GRIN2A: variants seen among roughly 807,000 people sequenced by gnomAD.
GRIN2A encodes glutamate ionotropic receptor NMDA type subunit 2A, also known as glutamate receptor ionotropic, NMDA 2A.
A neutral mutation model predicts 113.4 loss-of-function variants in GRIN2A; 22 were observed. That is an observed-to-expected ratio of 0.19 (90% CI 0.14 to 0.28). The LOEUF is 0.28. GRIN2A is among the 10% of genes least tolerant of loss of function. GRIN2A has a pLI of 1.00. For synonymous variants in GRIN2A, 827 were observed against 738.4 expected, an observed-to-expected ratio of 1.12 and a Z score of -1.94; for missense variants, 1,502 against 1,887.0, an observed-to-expected ratio of 0.80 and a Z score of 3.78.
chr16:10,003,847 A>G (rs2046362154), intron 2 of GRIN2A, among the ~76,000 whole-genome samples: 2 of 152,218 alleles, frequency 1.3e-5, no homozygotes, highest in Admixed American at 1.3e-4. Context: ...TGTGGGTTCC[A>G]CAGACTTGTT....
At chr16:9,782,641 C>G (rs1030787954) in intron 11 of GRIN2A, among the ~76,000 whole-genome samples, 3 of 152,184 alleles carry the variant, frequency 2.0e-5, no homozygotes, top group African/African-American at 7.2e-5. Context: ...CACTGCTTGT[C>G]AGGCATGGGC....
chr16:10,161,078 T>C (rs551485252), intron 2 of GRIN2A, among the ~76,000 whole-genome samples: 1 of 152,332 alleles, frequency 6.6e-6, no homozygotes, highest in South Asian at 2.1e-4. Context: ...TCATCTTGAA[T>C]TGTAGTTCCC....
intron 2 of GRIN2A, among the ~76,000 whole-genome samples, chr16:10,016,425 A>G (rs988089709): frequency 6.6e-6 from 1 of 152,114 alleles, no homozygotes; most frequent in Admixed American, 6.5e-5. Flanking sequence ...AAAGAAAAGA[A>G]GGACTATTGC....
chr16:9,805,970 A>G (rs555378727), intron 10 of GRIN2A, among the ~76,000 whole-genome samples: 3 of 152,248 alleles, frequency 2.0e-5, no homozygotes, highest in African/African-American at 7.2e-5. Flanking sequence ...AAAATGGCCT[A>G]GAATCACATT....
Position 9,768,810 on chromosome 16 carries a change from C to A in GRIN2A, c.2595+41G>T, listed in dbSNP as rs751634502. The A allele has an allele frequency of 5.7e-6, 8 of 1,393,726 alleles. No homozygotes were observed. The Admixed American group carries it at 1.2e-4, about 20-fold the overall frequency. The allele number at this position is 1,393,726 out of a possible 1,614,324, so 86.3% of individuals were successfully genotyped here. On this transcript the variant is annotated intron_variant, in intron 12 of 12. Coordinates refer to ENST00000330684, the MANE Select transcript of GRIN2A (RefSeq NM_001134407.3). Reference sequence around the variant, plus strand: ...TCAAGAACCCAAGCGCTTTTCTAAACCTGCTTGCAGTGCAAGAAAGTAGCC... The same window carrying A: ...TCAAGAACCCAAGCGCTTTTCTAAAACTGCTTGCAGTGCAAGAAAGTAGCC...
chr16:9,944,484 C>A (rs1356989180), intron 2 of GRIN2A, among the ~76,000 whole-genome samples: 1 of 152,138 alleles, frequency 6.6e-6, no homozygotes, highest in East Asian at 1.9e-4. Context: ...TCCTCCTCAC[C>A]ATCATCATCA....
At position 10,064,397 on chromosome 16, in the gene GRIN2A, G is replaced by C. The variant is rs531329573; in HGVS notation, c.414+115601C>G. On this transcript the variant is annotated intron_variant, in intron 2 of 12. Coordinates refer to ENST00000330684, the MANE Select transcript of GRIN2A (RefSeq NM_001134407.3). The stretch of plus-strand genomic sequence containing the variant: ...CTCCCTGGGGACTGAGGTCTTGCCT[G>C]ATTCCCAAAGCCCTGCACCAGAGAT... 2.6e-5 allele frequency among the ~76,000 whole-genome samples: 4 copies of C among 152,288 alleles called. No homozygotes were observed. The East Asian group carries it at 7.7e-4, about 29-fold the overall frequency.
Position 9,760,983 on chromosome 16 carries a change from G to A in GRIN2A, c.*2166C>T, listed in dbSNP as rs1446602039. On this transcript the variant is annotated 3_prime_UTR_variant, in exon 13 of 13. Transcript: ENST00000330684. ...GGCCCTTCGATCCAGGCTTCTCCAT[G>A]GCTGGGTCTTGGGGCAGCAGAGGTA... 1 of 232,454 alleles carries A rather than the reference G, an allele frequency of 4.3e-6. No homozygotes were observed. The highest frequency in any genetic ancestry group is 6.0e-5 in the East Asian group (1 of 16,532). 14.4% of individuals were successfully genotyped at this position (232,454 alleles called of 1,614,324 possible).
chr16:9,977,578 T>A (rs1397914049), intron 2 of GRIN2A, among the ~76,000 whole-genome samples: 1 of 152,154 alleles, frequency 6.6e-6, no homozygotes, highest in Non-Finnish European at 1.5e-5. Flanking sequence ...TACCACCCAC[T>A]CCAAAGCTGA....
intron 2 of GRIN2A, among the ~76,000 whole-genome samples, chr16:9,953,025 G>A (rs1328744758): frequency 6.6e-6 from 1 of 152,118 alleles, no homozygotes; most frequent in East Asian, 1.9e-4. Context: ...TTATCTTCGG[G>A]AAGGACCACT....
intron 4 of GRIN2A, among the ~76,000 whole-genome samples, chr16:9,880,699 G>C (rs557161112): frequency 1.3e-5 from 2 of 152,260 alleles, no homozygotes; most frequent in African/African-American, 4.8e-5. Flanking sequence ...ATGGGCCTTG[G>C]GCACTCTTGC....
At chr16:9,991,093 T>G (rs752877808) in intron 2 of GRIN2A, among the ~76,000 whole-genome samples, 5 of 152,028 alleles carry the variant, frequency 3.3e-5, no homozygotes, top group Non-Finnish European at 7.4e-5. Flanking sequence ...AGAAATAACT[T>G]GATAATTCTA....
intron 2 of GRIN2A, among the ~76,000 whole-genome samples, chr16:10,067,454 C>T (rs1443789743): frequency 6.6e-6 from 1 of 152,180 alleles, no homozygotes; most frequent in Non-Finnish European, 1.5e-5. Flanking sequence ...TTCTAGACAG[C>T]CTGTTAGCAT....
At position 9,754,344 on chromosome 16, in the gene GRIN2A, G is replaced by GAGTT; in HGVS notation, c.*8804_*8805insAACT. The GAGTT allele has an allele frequency of 4.8e-6, 1 of 207,488 alleles. No homozygotes were observed. The allele number at this position is 207,488 out of a possible 1,614,324, so 12.9% of individuals were successfully genotyped here. A position where few individuals can be genotyped will look rare whatever the true frequency, so the allele number is the denominator to read the frequency against. ...GGACCCTCAGGTTTGGAAGGCATCT[G>GAGTT]AGCCACATCTAACTATGTCACTGCT... On this transcript the variant is annotated 3_prime_UTR_variant, in exon 13 of 13. Transcript: ENST00000330684.
chr16:10,080,369 C>T (rs967453648), intron 2 of GRIN2A, among the ~76,000 whole-genome samples: 1 of 152,184 alleles, frequency 6.6e-6, no homozygotes, highest in African/African-American at 2.4e-5. Flanking sequence ...CTGCCAGGCC[C>T]TGGGCTTTTG....
intron 4 of GRIN2A, among the ~76,000 whole-genome samples, chr16:9,876,445 A>T (rs1382165987): frequency 1.3e-5 from 2 of 152,060 alleles, no homozygotes; most frequent in Non-Finnish European, 2.9e-5. Flanking sequence ...TCACCAATAA[A>T]TAGTGTGGGC....
At chr16:9,983,669 C>G (rs1213322) in intron 2 of GRIN2A, among the ~76,000 whole-genome samples, 131,787 of 152,224 alleles carry the variant, frequency 0.87, 57,506 homozygotes, top group African/African-American at 0.93. Flanking sequence ...TCTATCTCCT[C>G]ACCTTGTGAT....
intron 2 of GRIN2A, among the ~76,000 whole-genome samples, chr16:9,978,127 A>G (rs896215268): frequency 6.6e-6 from 1 of 152,204 alleles, no homozygotes; most frequent in African/African-American, 2.4e-5. Context: ...AAACATGACA[A>G]TGCTACAGCA....
In GRIN2A at chr16:9,754,283, T is replaced by C; in HGVS notation, c.*8866A>G. On this transcript the variant is annotated 3_prime_UTR_variant, in exon 13 of 13. Transcript: ENST00000330684. The stretch of plus-strand genomic sequence containing the variant: ...GGCAGGGGAATGAACAAGATTAAGA[T>C]TCATAGTTAAAAACAACTGGTAAAG... The C allele has an allele frequency of 4.9e-6, 1 of 202,132 alleles. No individual in the cohort carries two copies. The highest frequency in any genetic ancestry group is 1.0e-5 in the Non-Finnish European group (1 of 98,258). 12.5% of individuals were successfully genotyped at this position (202,132 alleles called of 1,614,324 possible).
Sources: gnomAD v4.1 joint callset for allele counts (sites outside exome capture counted in the v4.1 genomes callset) on GRCh38, gnomAD v4.1.1 for gene constraint, MANE v1.5 for transcripts, NCBI Gene and HGNC (gene_info 2026-07-23, HGNC 2026-07-21) for gene names.